IP6K3: variants seen among roughly 807,000 people sequenced by gnomAD.
IP6K3 encodes the protein ATP:1D-myo-inositol-hexakisphosphate phosphotransferase.
IP6K3 carries 20 observed loss-of-function variants against 28.8 expected under a neutral mutation model. The observed-to-expected ratio is 0.70, with a 90% CI of 0.49 to 1.01. IP6K3 has a LOEUF of 1.01. IP6K3 is among the 50% of genes least tolerant of loss of function. The pLI, the probability that IP6K3 is intolerant of heterozygous loss-of-function variation, is 0.00. For synonymous variants in IP6K3, 213 were observed against 221.3 expected, an observed-to-expected ratio of 0.96 and a Z score of 0.33; for missense variants, 480 against 537.1, an observed-to-expected ratio of 0.89 and a Z score of 1.05.
In IP6K3 at chr6:33,746,039, T is replaced by C. The variant is rs780643986; in HGVS notation, c.-180+719A>G. ...GAATTTCAGGGGAAGGGGCCTGGCA[T>C]GGGGGGTTTAAGGCCCCCAAGGCAA... On this transcript the variant is annotated intron_variant, in intron 1 of 5. Transcript: ENST00000293756. This position sits in a 1 kb window ranked among gnomAD's most constrained non-coding sequence, Gnocchi z 6.5. 6.6e-6 allele frequency among the ~76,000 whole-genome samples: 1 copy of C among 152,122 alleles called. No individual in the cohort carries two copies. Among genetic ancestry groups the C allele is most frequent in the Non-Finnish European group, 1.5e-5 (1 of 68,004 alleles).
chr6:33,760,349 G>T, the IP6K3 span, among the ~76,000 whole-genome samples: 1 of 152,222 alleles, frequency 6.6e-6, no homozygotes, highest in Admixed American at 6.5e-5. Flanking sequence ...GACCTGAAGG[G>T]TGAGGGTGCA....
chr6:33,731,890 C>T (rs1269914508), intron 2 of IP6K3, among the ~76,000 whole-genome samples: 1 of 152,080 alleles, frequency 6.6e-6, no homozygotes, highest in Non-Finnish European at 1.5e-5. Context: ...CAGAGTCTTC[C>T]TGCCTGCCCA....
At chr6:33,748,852 T>TTG (rs1561914143), upstream of IP6K3, among the ~76,000 whole-genome samples, 1 of 151,534 alleles carries the variant, frequency 6.6e-6, no homozygotes, top group African/African-American at 2.4e-5. Context: ...TGGTTTAAAG[T>TTG]GGGGTGGGGA....
chr6:33,742,468 A>G lies in IP6K3; in HGVS notation c.-180+4290T>C, dbSNP rs1249344218. On this transcript the variant is annotated intron_variant, in intron 1 of 5. Coordinates refer to ENST00000293756, the MANE Select transcript of IP6K3 (RefSeq NM_054111.5). This position sits in a 1 kb window ranked among gnomAD's most constrained non-coding sequence, Gnocchi z 4.5. ...CAAGAACCGCACACCCAGGGGCAGC[A>G]TGCTGCTGGTGGGCAGTGTCTAACG... Among the ~76,000 whole-genome samples the G allele has an allele frequency of 6.6e-6, 1 of 152,122 alleles. No homozygotes were observed. Among genetic ancestry groups the G allele is most frequent in the East Asian group, 1.9e-4 (1 of 5,172 alleles).
intron 2 of IP6K3, among the ~76,000 whole-genome samples, chr6:33,730,228 C>T (rs994114886): frequency 1.3e-5 from 2 of 152,052 alleles, no homozygotes; most frequent in Non-Finnish European, 1.5e-5. Flanking sequence ...GCATGCCTGC[C>T]GGGCCCTCCT....
chr6:33,727,909 A>G, intron 3 of IP6K3, 178 bp downstream of exon 3: 1 of 985,424 alleles, frequency 1.0e-6, no homozygotes, highest in Non-Finnish European at 1.2e-6. Flanking sequence ...TAGGAGTGAC[A>G]TAAAGAAAAT....
intron 1 of IP6K3, among the ~76,000 whole-genome samples, chr6:33,735,873 T>C (rs571525027): frequency 1.3e-5 from 2 of 152,218 alleles, no homozygotes; most frequent in Non-Finnish European, 2.9e-5. Flanking sequence ...GAAGGAGACT[T>C]ATTTATTTAT....
chr6:33,754,003 G>T, the IP6K3 span, among the ~76,000 whole-genome samples: 1 of 151,984 alleles, frequency 6.6e-6, no homozygotes, highest in Non-Finnish European at 1.5e-5. Flanking sequence ...TAGAGACGGG[G>T]TTTCACCGTG....
At chr6:33,752,818 T>G in the IP6K3 span, among the ~76,000 whole-genome samples, 1 of 152,250 alleles carries the variant, frequency 6.6e-6, no homozygotes, top group Admixed American at 6.5e-5. Flanking sequence ...CTCAGTTTCC[T>G]TATCTGTAAA....
At chr6:33,757,861 C>T in the IP6K3 span, among the ~76,000 whole-genome samples, 36 of 152,266 alleles carry the variant, frequency 2.4e-4, no homozygotes, top group East Asian at 5.8e-4. Flanking sequence ...TGAGGCGGGC[C>T]GGCCATCAAG....
At chr6:33,740,428 T>A (rs938891964) in intron 1 of IP6K3, among the ~76,000 whole-genome samples, 2 of 152,216 alleles carry the variant, frequency 1.3e-5, no homozygotes, top group African/African-American at 2.4e-5. Context: ...GAGCTGGTTG[T>A]TAAATGAGGC....
chr6:33,755,075 GC>G, the IP6K3 span, among the ~76,000 whole-genome samples: 12 of 152,332 alleles, frequency 7.9e-5, no homozygotes, highest in East Asian at 2.3e-3. Context: ...GTGAGACCTG[GC>G]CACAGGGGTC....
intron 1 of IP6K3, among the ~76,000 whole-genome samples, chr6:33,738,402 C>T (rs894964625): frequency 6.6e-6 from 1 of 152,238 alleles, no homozygotes. Flanking sequence ...AGCTCACATT[C>T]CCAAAGAGCT....
chr6:33,734,302 C>T (rs608971), intron 2 of IP6K3, among the ~76,000 whole-genome samples: 16,764 of 151,942 alleles, frequency 0.11, 1,073 homozygotes, highest in Non-Finnish European at 0.15. Flanking sequence ...GGGACCTGTG[C>T]GCCTTTGTGC....
chr6:33,759,733 C>T, the IP6K3 span, among the ~76,000 whole-genome samples: 23 of 152,108 alleles, frequency 1.5e-4, no homozygotes, highest in Admixed American at 4.6e-4. Flanking sequence ...ACTAGCTGGG[C>T]GTGGTGGCGG....
At chr6:33,761,603 G>A in the IP6K3 span, among the ~76,000 whole-genome samples, 2 of 152,070 alleles carry the variant, frequency 1.3e-5, no homozygotes, top group African/African-American at 4.8e-5. Context: ...AGTAGGCTCT[G>A]GGGGCTTTGT....
At chr6:33,738,684 G>T (rs1048789167) in intron 1 of IP6K3, among the ~76,000 whole-genome samples, 2 of 152,176 alleles carry the variant, frequency 1.3e-5, no homozygotes, top group Non-Finnish European at 2.9e-5. Flanking sequence ...AGGCATGGTA[G>T]CCCCAGAGTG....
chr6:33,758,451 G>A, the IP6K3 span, among the ~76,000 whole-genome samples: 4 of 152,206 alleles, frequency 2.6e-5, no homozygotes, highest in Admixed American at 1.3e-4. Flanking sequence ...TCTTGAGCCC[G>A]GGAGGTTGAG....
chr6:33,751,755 G>A (rs935301552), upstream of IP6K3, among the ~76,000 whole-genome samples: 2 of 152,180 alleles, frequency 1.3e-5, no homozygotes, highest in Admixed American at 6.5e-5. The surrounding 1 kb of genome is among the most constrained non-coding windows in gnomAD (Gnocchi z 4.3). Flanking sequence ...CTCCTAACAC[G>A]GATTCATTTT....
Sources: gnomAD v4.1 joint callset for allele counts (sites outside exome capture counted in the v4.1 genomes callset) on GRCh38, gnomAD v4.1.1 for gene constraint, Gnocchi (gnomAD v3.1) non-coding constraint, MANE v1.5 for transcripts, NCBI Gene and HGNC (gene_info 2026-07-23, HGNC 2026-07-21) for gene names.